Variants in CTNNA3 observed in about 807,000 individuals in gnomAD.
CTNNA3 encodes the protein catenin alpha 3.
In CTNNA3, 76 loss-of-function variants were observed where a neutral mutation model predicts 95.7. The ratio of observed to expected loss-of-function variants is 0.79; its 90% CI spans 0.66 to 0.96. The LOEUF (loss-of-function observed/expected upper bound fraction) is 0.96. Among genes scored for constraint, CTNNA3 ranks in the 40% least tolerant of loss-of-function variants. The pLI is 0.00. For synonymous variants in CTNNA3, 431 were observed against 374.4 expected, an observed-to-expected ratio of 1.15 and a Z score of -1.74; for missense variants, 1,191 against 1,089.8, an observed-to-expected ratio of 1.09 and a Z score of -1.31.
intron 5 of CTNNA3, among the ~76,000 whole-genome samples, chr10:67,271,331 G>A (rs1225364225): frequency 1.3e-5 from 2 of 152,100 alleles, no homozygotes; most frequent in Non-Finnish European, 2.9e-5. Context: ...TAGTGAGTTC[G>A]TTCTCAGGAG....
chr10:66,357,216 A>G (rs184733657), intron 12 of CTNNA3, among the ~76,000 whole-genome samples: 13 of 152,228 alleles, frequency 8.5e-5, no homozygotes, highest in Non-Finnish European at 1.9e-4. Context: ...TAACCAGGGA[A>G]ACTGTCCAGG....
intron 10 of CTNNA3, among the ~76,000 whole-genome samples, chr10:66,536,195 A>G (rs181442124): frequency 6.6e-6 from 1 of 151,758 alleles, no homozygotes; most frequent in Admixed American, 6.6e-5. Flanking sequence ...GAGAGAAATT[A>G]AAAAAGGTAA....
At chr10:66,494,032 C>A (rs550194607) in intron 11 of CTNNA3, among the ~76,000 whole-genome samples, 1 of 150,160 alleles carries the variant, frequency 6.7e-6, no homozygotes, top group Admixed American at 6.6e-5. Flanking sequence ...CTCAGCCTCT[C>A]GAGTAGCTAG....
intron 13 of CTNNA3, among the ~76,000 whole-genome samples, chr10:66,198,410 T>C (rs370345656): frequency 3.9e-5 from 6 of 152,098 alleles, no homozygotes; most frequent in African/African-American, 9.7e-5. Context: ...CCTGATTAAT[T>C]TGGTGAATTG....
rs549970365 is a variant in CTNNA3, at chr10:66,653,785, C to G, written c.1282-32001G>C. Reference sequence around the variant, plus strand: ...GACCAATGGAATGGAATAGACAGTCCAAAAATGAACCCATGTATATATGAT... The same window carrying G: ...GACCAATGGAATGGAATAGACAGTCGAAAAATGAACCCATGTATATATGAT... On this transcript the variant is annotated intron_variant, in intron 9 of 17. Transcript: ENST00000433211. Among the ~76,000 whole-genome samples the G allele has an allele frequency of 4.7e-4, 71 of 152,010 alleles. 1 individual carries two copies. In the South Asian group the frequency reaches 0.015, roughly 32 times the overall value.
chr10:67,496,665 A>T (rs2133091369), intron 5 of CTNNA3, among the ~76,000 whole-genome samples: 2 of 152,302 alleles, frequency 1.3e-5, no homozygotes, highest in South Asian at 4.1e-4. Flanking sequence ...ATAAAATTTT[A>T]ATTGCTTATA....
chr10:67,384,053 G>A (rs1020750845), intron 5 of CTNNA3, among the ~76,000 whole-genome samples: 4 of 152,074 alleles, frequency 2.6e-5, no homozygotes, highest in South Asian at 2.1e-4. Flanking sequence ...CTACACTAGC[G>A]TGAGAAACAT....
chr10:67,068,690 A>G (rs924237059), intron 7 of CTNNA3, among the ~76,000 whole-genome samples: 5 of 152,260 alleles, frequency 3.3e-5, no homozygotes, highest in African/African-American at 1.2e-4. Context: ...ATCAACAGCA[A>G]ATGACCCAAA....
At chr10:66,829,749 C>T (rs1003008388) in intron 7 of CTNNA3, among the ~76,000 whole-genome samples, 18 of 150,740 alleles carry the variant, frequency 1.2e-4, no homozygotes, top group Admixed American at 1.3e-4. Context: ...GAAACACTGC[C>T]TTAGACTACA....
At chr10:67,625,964 C>T (rs557425915) in intron 2 of CTNNA3, among the ~76,000 whole-genome samples, 4 of 152,204 alleles carry the variant, frequency 2.6e-5, no homozygotes, top group Middle Eastern at 3.4e-3. Flanking sequence ...GCAGGAGGAT[C>T]GCTGGAGCCC....
intron 9 of CTNNA3, among the ~76,000 whole-genome samples, chr10:66,639,714 T>C (rs1845451418): frequency 6.6e-6 from 1 of 152,170 alleles, no homozygotes; most frequent in Admixed American, 6.5e-5. Flanking sequence ...ACACTGTGCT[T>C]TGGGAGTTCA....
chr10:67,759,767 C>T (rs903068659), intron 1 of CTNNA3, among the ~76,000 whole-genome samples: 10 of 152,242 alleles, frequency 6.6e-5, no homozygotes, highest in African/African-American at 1.2e-4. Context: ...AACAGCCACA[C>T]GGCAAGGAAA....
intron 16 of CTNNA3, among the ~76,000 whole-genome samples, chr10:65,974,419 A>G (rs1332056974): frequency 6.6e-6 from 1 of 152,198 alleles, no homozygotes; most frequent in Non-Finnish European, 1.5e-5. Flanking sequence ...AAAAGGAATG[A>G]ATGAAATTAT....
intron 3 of CTNNA3, among the ~76,000 whole-genome samples, chr10:67,593,316 T>G (rs1842840302): frequency 6.6e-6 from 1 of 152,120 alleles, no homozygotes; most frequent in South Asian, 2.1e-4. Flanking sequence ...ATGATTTATT[T>G]TCTTTTGGAT....
intron 7 of CTNNA3, among the ~76,000 whole-genome samples, chr10:66,862,085 CATG>C (rs1237893341): frequency 1.3e-5 from 2 of 152,054 alleles, no homozygotes; most frequent in African/African-American, 4.8e-5. Context: ...TGTGGTGGCA[CATG>C]CTGTAGTCCC....
intron 5 of CTNNA3, among the ~76,000 whole-genome samples, chr10:67,293,565 G>A (rs1202957819): frequency 5.3e-5 from 8 of 151,726 alleles, no homozygotes; most frequent in Non-Finnish European, 1.2e-4. Flanking sequence ...CGTGCACAAC[G>A]TGCAGGTTAG....
intron 1 of CTNNA3, among the ~76,000 whole-genome samples, chr10:67,712,844 T>A (rs1463754358): frequency 6.6e-6 from 1 of 152,098 alleles, no homozygotes; most frequent in East Asian, 1.9e-4. Context: ...GAAAAAAACC[T>A]AGGCAATACC....
rs544686120 is a variant in CTNNA3 at position 66,550,344 on chromosome 10, C to T, written c.1375-29571G>A. Among the ~76,000 whole-genome samples, 26 of 152,184 alleles carry T rather than the reference C, an allele frequency of 1.7e-4. 1 individual carries two copies. The South Asian group carries it at 5.4e-3, about 32-fold the overall frequency. ...ATCTGTATCTTTATACTTGAAGTAG[C>T]TTAGAGTAAAATCTTATTTTATTTT... On this transcript the variant is annotated intron_variant, in intron 10 of 17. Coordinates refer to ENST00000433211, the MANE Select transcript of CTNNA3 (RefSeq NM_013266.4).
chr10:66,430,834 T>C (rs144982401), intron 11 of CTNNA3, among the ~76,000 whole-genome samples: 354 of 152,228 alleles, frequency 2.3e-3, no homozygotes, highest in African/African-American at 8.3e-3. Context: ...ATTCAGGACA[T>C]AGGCATGGGC....
Sources: gnomAD v4.1 joint callset for allele counts (sites outside exome capture counted in the v4.1 genomes callset) on GRCh38, gnomAD v4.1.1 for gene constraint, MANE v1.5 for transcripts, NCBI Gene and HGNC (gene_info 2026-07-23, HGNC 2026-07-21) for gene names.